Variants in PFKM observed in about 807,000 individuals in gnomAD.
PFKM encodes ATP-dependent 6-phosphofructokinase, muscle type.
PFKM carries 58 observed loss-of-function variants against 95.5 expected under a neutral mutation model. The observed-to-expected ratio is 0.61, with a 90% CI of 0.49 to 0.76. The LOEUF (loss-of-function observed/expected upper bound fraction) is 0.76. Ranked by LOEUF, PFKM falls within the 30% of genes least tolerant of loss-of-function variation. PFKM has a pLI of 0.00. For synonymous variants in PFKM, 336 were observed against 357.2 expected, an observed-to-expected ratio of 0.94 and a Z score of 0.67; for missense variants, 678 against 1,005.4, an observed-to-expected ratio of 0.67 and a Z score of 4.40.
At chr12:48,129,607 T>C (rs977210103) in intron 2 of PFKM, among the ~76,000 whole-genome samples, 2 of 152,162 alleles carry the variant, frequency 1.3e-5, no homozygotes, top group Non-Finnish European at 2.9e-5. Flanking sequence ...GTGGCACACA[T>C]TGGAACATAG....
Position 48,134,223 on chromosome 12 carries a change from C to G in PFKM, c.594-9C>G. ...CACTTGGACTGTGTCATATGTCTAT[C>G]TCTTGCAGCCACCAGAGGACATTTG... On this transcript the variant is annotated splice_polypyrimidine_tract_variant and intron_variant, in intron 6 of 22. Coordinates refer to ENST00000359794, the MANE Select transcript of PFKM (RefSeq NM_000289.6). The G allele has an allele frequency of 6.2e-7, 1 of 1,613,304 alleles. No individual in the cohort carries two copies. The highest frequency in any genetic ancestry group is 8.5e-7 in the Non-Finnish European group (1 of 1,179,224).
chr12:48,108,978 A>G (rs980091518), intron 3 of PFKM, among the ~76,000 whole-genome samples: 1 of 152,070 alleles, frequency 6.6e-6, no homozygotes, highest in African/African-American at 2.4e-5. Context: ...TAAAGTAACA[A>G]CTCCTAGCAC....
chr12:48,107,426 GC>G lies in PFKM; in HGVS notation c.55del (p.Gln19SerfsTer2). On this transcript the variant is annotated frameshift_variant, in exon 2 of 25. Coordinates refer to the PFKM transcript ENST00000340802. LOFTEE classifies it high-confidence loss of function. ...TTTTTCATGTGTGTGATTCAGTCTC[GC>G]CAGTTAGTCAGGACTCCTCAGAGAA... The G allele has an allele frequency of 6.3e-7, 1 of 1,598,474 alleles. No homozygotes were observed. Among genetic ancestry groups the G allele is most frequent in the Non-Finnish European group, 8.5e-7 (1 of 1,178,916 alleles).
upstream of PFKM, chr12:48,118,390 G>A (rs1469889113): frequency 2.9e-6 from 2 of 686,670 alleles, no homozygotes; most frequent in Non-Finnish European, 5.1e-6. Flanking sequence ...CCACTTTCTT[G>A]ATGGTATAAT....
chr12:48,140,586 T>G, intron 13 of PFKM, 136 bp from the exon 14 acceptor site: 1 of 858,236 alleles, frequency 1.2e-6, no homozygotes. Flanking sequence ...GAGAGGGGTG[T>G]GTGTTGTGTT....
At chr12:48,135,114 G>A (rs1592744683) in intron 9 of PFKM, 76 bp downstream of exon 9, 2 of 1,231,268 alleles carry the variant, frequency 1.6e-6, no homozygotes, top group Non-Finnish European at 2.4e-6. Flanking sequence ...TCCTGACATT[G>A]CTTCTCCCCT....
chr12:48,118,550 A>G, upstream of PFKM: 1 of 1,518,398 alleles, frequency 6.6e-7, no homozygotes, highest in Non-Finnish European at 8.8e-7. Context: ...AGGAGACCCG[A>G]CTGTGGAGAC....
In PFKM at chr12:48,132,999, T is replaced by C; in HGVS notation, c.369T>C (p.Thr123=). The C allele has an allele frequency of 6.2e-7, 1 of 1,614,160 alleles. No homozygotes were observed. Among genetic ancestry groups the C allele is most frequent in the South Asian group, 1.1e-5 (1 of 91,082 alleles). ...TCATTGGGGGTGATGGCAGCCTCAC[T>C]GGGGCTGACACCTTCCGTTCTGAGT... ...LCVIGGDGSL[T]GADTFRSEWS... The change falls in exon 5 of 23, where the codon ACT becomes ACC. Residue 123 remains threonine (T), a synonymous_variant. Transcript: ENST00000359794.
rs750719582 is a variant in PFKM, at chr12:48,140,773, A to G, written c.1243A>G (p.Met415Val). Reference sequence around the variant, plus strand: ...GAACGTGGGGGCTCCGGCTGCAGGCATGAATGCTGCTGTTCGCTCCACTGT... The same window carrying G: ...GAACGTGGGGGCTCCGGCTGCAGGCGTGAATGCTGCTGTTCGCTCCACTGT... The part of the protein sequence containing the change: ...VMNVGAPAAG[M>V]NAAVRSTVRI... Residue 415 changes from methionine (M) to valine (V), a missense_variant, in exon 14 of 23, where the codon ATG (methionine) becomes GTG (valine). Met to Val is a conservative substitution (Grantham distance 21). Transcript: ENST00000359794. 3 of 1,614,196 alleles carry G rather than the reference A, an allele frequency of 1.9e-6. No homozygotes were observed. The highest frequency in any genetic ancestry group is 2.2e-5 in the East Asian group (1 of 44,882).
chr12:48,126,371 G>A (rs117754450), intron 2 of PFKM, among the ~76,000 whole-genome samples: 17 of 152,248 alleles, frequency 1.1e-4, no homozygotes, highest in East Asian at 9.7e-4. Flanking sequence ...TAGGTACCAG[G>A]TACATGAAGA....
At position 48,141,843 on chromosome 12, in the gene PFKM, C is replaced by T; in HGVS notation, c.1500+16C>T. ...GGGCTTTGAGGTGAGTGCCTGCCAC[C>T]ATTTCTTCCTCTCTCCCTCCTACCT... On this transcript the variant is annotated intron_variant, in intron 16 of 22. Transcript: ENST00000359794. 6.2e-7 allele frequency: 1 copy of T among 1,613,116 alleles called. No individual in the cohort carries two copies. The highest frequency in any genetic ancestry group is 8.5e-7 in the Non-Finnish European group (1 of 1,179,082).
intron 3 of PFKM, among the ~76,000 whole-genome samples, chr12:48,110,525 G>A (rs1947086029): frequency 6.6e-6 from 1 of 152,168 alleles, no homozygotes; most frequent in African/African-American, 2.4e-5. Context: ...CCAGTGAAAT[G>A]GTGAGGAACT....
At chr12:48,144,549 T>C (rs1555208436) in intron 20 of PFKM, among the ~76,000 whole-genome samples, 1 of 152,178 alleles carries the variant, frequency 6.6e-6, no homozygotes, top group Non-Finnish European at 1.5e-5. Context: ...GTAACAAAAA[T>C]GTCTCCAAAC....
At chr12:48,143,489 GGAGAGGGT>G (rs1225095671) in intron 18 of PFKM, among the ~76,000 whole-genome samples, 1 of 152,214 alleles carries the variant, frequency 6.6e-6, no homozygotes, top group Non-Finnish European at 1.5e-5. Context: ...AAGGGAGATT[GGAGAGGGT>G]GAGGGGCTGA....
intron 2 of PFKM, among the ~76,000 whole-genome samples, chr12:48,126,051 G>A (rs1370638419): frequency 1.3e-5 from 2 of 152,034 alleles, no homozygotes; most frequent in East Asian, 3.8e-4. Context: ...CCAATATGCC[G>A]TAATTGGAGA....
chr12:48,145,387 A>G lies in PFKM; in HGVS notation c.2198+72A>G. 1 of 1,376,580 alleles carries G rather than the reference A, an allele frequency of 7.3e-7. No homozygotes were observed. The highest frequency in any genetic ancestry group is 1.2e-5 in the South Asian group (1 of 82,056). The allele number at this position is 1,376,580 out of a possible 1,614,324, so 85.3% of individuals were successfully genotyped here. On this transcript the variant is annotated intron_variant, in intron 22 of 22. Coordinates refer to ENST00000359794, the MANE Select transcript of PFKM (RefSeq NM_000289.6). The surrounding 1 kb of genome is among the most constrained non-coding windows in gnomAD (Gnocchi z 4.3). ...AAGCTCTACTGTCCTCAACCTGTTC[A>G]CTGTCTTTAATTCTTTTTTTTTTTT...
At chr12:48,135,144 TC>T (rs1949952857) in intron 9 of PFKM, 106 bp downstream of exon 9, 1 of 1,087,150 alleles carries the variant, frequency 9.2e-7, no homozygotes, top group Non-Finnish European at 1.4e-6. Flanking sequence ...TGCACATCTC[TC>T]CCTGGTTCCC....
chr12:48,142,762 A>G lies in PFKM; in HGVS notation c.1654-20A>G, dbSNP rs201148538. On this transcript the variant is annotated intron_variant, in intron 17 of 22. Transcript: ENST00000359794. ...GGCCCCTGATCATGTCTTTCTAACT[A>G]TAACCCATTGTCCTTGCAGACCTGT... The G allele has an allele frequency of 7.4e-6, 12 of 1,611,756 alleles. No homozygotes were observed. In the East Asian group the frequency reaches 2.2e-4, roughly 30 times the overall value.
chr12:48,120,106 C>T (rs1948097892), intron 1 of PFKM, among the ~76,000 whole-genome samples: 1 of 152,154 alleles, frequency 6.6e-6, no homozygotes, highest in South Asian at 2.1e-4. Context: ...TCCTTTCCAC[C>T]TTTTTGCCTT....
Sources: allele counts gnomAD v4.1 joint callset (sites outside exome capture counted in the v4.1 genomes callset), GRCh38; gene constraint gnomAD v4.1.1; non-coding constraint Gnocchi (gnomAD v3.1); transcripts MANE v1.5; gene names NCBI Gene and HGNC (gene_info 2026-07-23, HGNC 2026-07-21).